ST8SIA6: variants seen among roughly 807,000 people sequenced by gnomAD.
ST8SIA6 encodes the protein alpha-2,8-sialyltransferase 8F.
Under a neutral mutation model 33.6 loss-of-function variants are expected in ST8SIA6, and 39 were observed. That is an observed-to-expected ratio of 1.16 (90% CI 0.90 to 1.52). The LOEUF (loss-of-function observed/expected upper bound fraction) is 1.52, where lower values mean the gene tolerates loss of function less well. ST8SIA6 is among the 40% of genes most tolerant of loss of function. ST8SIA6 has a pLI of 0.00. For synonymous variants in ST8SIA6, 172 were observed against 167.2 expected (o/e 1.03, Z -0.22); for missense variants, 441 against 443.8 (o/e 0.99, Z 0.06).
chr10:17,396,945 A>C (rs1235164868), intron 2 of ST8SIA6, among the ~76,000 whole-genome samples: 2 of 152,176 alleles, frequency 1.3e-5, no homozygotes, highest in Non-Finnish European at 2.9e-5. Context: ...CTTCCACCAC[A>C]GTCCTCTCTT....
intron 2 of ST8SIA6, among the ~76,000 whole-genome samples, chr10:17,420,859 C>T (rs1358078055): frequency 5.3e-5 from 8 of 152,188 alleles, no homozygotes; most frequent in Admixed American, 4.6e-4. Flanking sequence ...AGGAAACTTA[C>T]AGTCGTGGCG....
intron 2 of ST8SIA6, among the ~76,000 whole-genome samples, chr10:17,404,705 C>T (rs1043356625): frequency 6.6e-6 from 1 of 152,154 alleles, no homozygotes; most frequent in Non-Finnish European, 1.5e-5. Context: ...TCCACTGACC[C>T]CGCTGCGCTG....
intron 3 of ST8SIA6, among the ~76,000 whole-genome samples, chr10:17,369,597 CTTCT>C (rs1356069794): frequency 6.6e-6 from 1 of 152,064 alleles, no homozygotes; most frequent in Non-Finnish European, 1.5e-5. Flanking sequence ...TCTTCAGGGT[CTTCT>C]ATTTCCATGA....
intron 4 of ST8SIA6, among the ~76,000 whole-genome samples, chr10:17,348,384 A>T (rs1290304325): frequency 3.9e-5 from 6 of 152,192 alleles, no homozygotes; most frequent in Admixed American, 6.5e-5. Context: ...TGTTCGTGGT[A>T]TATTTTGTAT....
At chr10:17,451,989 C>A (rs186701733) in intron 2 of ST8SIA6, among the ~76,000 whole-genome samples, 6 of 152,222 alleles carry the variant, frequency 3.9e-5, no homozygotes, top group African/African-American at 1.4e-4. Flanking sequence ...CAAAGATTAC[C>A]TCTAAAAACG....
intron 4 of ST8SIA6, among the ~76,000 whole-genome samples, chr10:17,336,548 C>T (rs943493752): frequency 2.0e-5 from 3 of 150,496 alleles, no homozygotes; most frequent in African/African-American, 4.9e-5. Flanking sequence ...ACCACAGATT[C>T]GTTTTTCCTG....
chr10:17,326,443 A>G (rs1848131234), intron 6 of ST8SIA6, among the ~76,000 whole-genome samples: 2 of 152,212 alleles, frequency 1.3e-5, no homozygotes, highest in African/African-American at 4.8e-5. Flanking sequence ...CTATTTTTGC[A>G]TGCTAGCTGA....
intron 2 of ST8SIA6, among the ~76,000 whole-genome samples, chr10:17,393,638 C>T (rs2131667010): frequency 6.6e-6 from 1 of 152,292 alleles, no homozygotes; most frequent in Middle Eastern, 3.4e-3. Flanking sequence ...CTTCAGCACA[C>T]CTGTGTCCAT....
At chr10:17,401,624 C>A (rs984759981) in intron 2 of ST8SIA6, among the ~76,000 whole-genome samples, 4 of 152,154 alleles carry the variant, frequency 2.6e-5, no homozygotes, top group African/African-American at 9.7e-5. Context: ...AGAAATAATA[C>A]CACACATCTG....
At chr10:17,436,588 G>A (rs1012493099) in intron 2 of ST8SIA6, among the ~76,000 whole-genome samples, 2 of 137,608 alleles carry the variant, frequency 1.5e-5, no homozygotes, top group Non-Finnish European at 3.0e-5. Context: ...TGTTCTCATT[G>A]TTCAATTCCC....
intron 5 of ST8SIA6, among the ~76,000 whole-genome samples, chr10:17,329,355 C>G (rs1848227881): frequency 6.6e-6 from 1 of 152,172 alleles, no homozygotes; most frequent in Admixed American, 6.5e-5. Flanking sequence ...AGTACCTGCT[C>G]TAAACCACTA....
intron 2 of ST8SIA6, among the ~76,000 whole-genome samples, chr10:17,432,912 C>T (rs953462758): frequency 6.6e-6 from 1 of 152,160 alleles, no homozygotes; most frequent in African/African-American, 2.4e-5. Flanking sequence ...GTAACCAACC[C>T]AGCTGTTTCT....
At position 17,419,271 on chromosome 10, in the gene ST8SIA6, C is replaced by T. The variant is rs187895957; in HGVS notation, c.201-28651G>A. On this transcript the variant is annotated intron_variant, in intron 2 of 7. Transcript: ENST00000377602. The stretch of plus-strand genomic sequence containing the variant: ...GAAGAGCTGGGGGCAGTGGCTCACA[C>T]CTGTAATCCCAGCACTTTGGGAGGC... 6.5e-3 allele frequency among the ~76,000 whole-genome samples: 988 copies of T among 152,178 alleles called. 10 individuals are homozygous for T. Among genetic ancestry groups the T allele is most frequent in the African/African-American group, 0.023 (947 of 41,518 alleles).
At chr10:17,397,968 C>G (rs1003628843) in intron 2 of ST8SIA6, among the ~76,000 whole-genome samples, 3 of 152,218 alleles carry the variant, frequency 2.0e-5, no homozygotes, top group African/African-American at 7.2e-5. Context: ...ACAAGCCCCA[C>G]TGACAAGATT....
At position 17,318,853 on chromosome 10, in the gene ST8SIA6, A is replaced by G. The variant is rs1847852519; in HGVS notation, c.*2025T>C. On this transcript the variant is annotated 3_prime_UTR_variant, in exon 8 of 8. Coordinates refer to ENST00000377602, the MANE Select transcript of ST8SIA6 (RefSeq NM_001004470.3). ...ACATTCATGTTCTATCATATTTTAGAAAGTTCTAAGTAATGTTCTGTTTTG... is the reference window on the plus strand; with the variant it reads ...ACATTCATGTTCTATCATATTTTAGGAAGTTCTAAGTAATGTTCTGTTTTG... The G allele has an allele frequency of 2.5e-6, 1 of 401,328 alleles. No homozygotes were observed. Among genetic ancestry groups the G allele is most frequent in the Admixed American group, 3.2e-5 (1 of 31,122 alleles). 24.9% of individuals were successfully genotyped at this position (401,328 alleles called of 1,614,324 possible). A position where few individuals can be genotyped will look rare whatever the true frequency, so the allele number is the denominator to read the frequency against.
At chr10:17,424,359 C>G (rs1454421253) in intron 2 of ST8SIA6, among the ~76,000 whole-genome samples, 1 of 152,160 alleles carries the variant, frequency 6.6e-6, no homozygotes, top group Non-Finnish European at 1.5e-5. Context: ...CTGCCTCGGC[C>G]TCCCAAAGTG....
Position 17,454,524 on chromosome 10 carries a change from C to G in ST8SIA6, c.-269G>C, listed in dbSNP as rs1267948004. Among the ~76,000 whole-genome samples the G allele has an allele frequency of 1.3e-5, 2 of 151,942 alleles. No homozygotes were observed. Among genetic ancestry groups the G allele is most frequent in the Non-Finnish European group, 2.9e-5 (2 of 67,910 alleles). ...GATCGGCTGGCAGATGACGATTCGC[C>G]GAGCTCGCCGCCTGTCCTCCCGGAG... On this transcript the variant is annotated 5_prime_UTR_variant, in exon 1 of 8. Coordinates refer to ENST00000377602, the MANE Select transcript of ST8SIA6 (RefSeq NM_001004470.3). This position sits in a 1 kb window ranked among gnomAD's most constrained non-coding sequence, Gnocchi z 4.1.
In ST8SIA6 at chr10:17,431,075, T is replaced by C. The variant is rs572270812; in HGVS notation, c.200+22484A>G. Among the ~76,000 whole-genome samples, 116 of 152,320 alleles carry C rather than the reference T, an allele frequency of 7.6e-4. 1 individual carries two copies. The highest frequency in any genetic ancestry group is 2.7e-3 in the African/African-American group (111 of 41,580). On this transcript the variant is annotated intron_variant, in intron 2 of 7. Coordinates refer to ENST00000377602, the MANE Select transcript of ST8SIA6 (RefSeq NM_001004470.3). ...CTAAAAAGATTTAGGCAGAAATCTTTGAGTAGGGATTTCCTTTTCAACTAC... is the reference window on the plus strand; with the variant it reads ...CTAAAAAGATTTAGGCAGAAATCTTCGAGTAGGGATTTCCTTTTCAACTAC...
At chr10:17,388,580 C>T (rs1039587089) in intron 3 of ST8SIA6, among the ~76,000 whole-genome samples, 7 of 152,202 alleles carry the variant, frequency 4.6e-5, no homozygotes, top group Admixed American at 2.0e-4. Flanking sequence ...GAAGACCGCT[C>T]ACTGGGTCTT....
Sources: gnomAD v4.1 joint callset for allele counts (sites outside exome capture counted in the v4.1 genomes callset) on GRCh38, gnomAD v4.1.1 for gene constraint, Gnocchi (gnomAD v3.1) non-coding constraint, MANE v1.5 for transcripts, NCBI Gene and HGNC (gene_info 2026-07-23, HGNC 2026-07-21) for gene names.